GRXCR1: variants seen among roughly 807,000 people sequenced by gnomAD.
GRXCR1 encodes the protein glutaredoxin domain-containing cysteine-rich protein 1.
In GRXCR1, 27 loss-of-function variants were observed where a neutral mutation model predicts 27.3. The observed-to-expected ratio is 0.99, with a 90% CI of 0.73 to 1.37. The LOEUF (loss-of-function observed/expected upper bound fraction) is 1.37, where lower values mean the gene tolerates loss of function less well. Among genes scored for constraint, GRXCR1 ranks in the 40% most tolerant of loss-of-function variants. The pLI, the probability that GRXCR1 is intolerant of heterozygous loss-of-function variation, is 0.00. For missense variants in GRXCR1, 379 were observed against 354.4 expected (o/e 1.07, Z -0.56); for synonymous variants, 122 against 131.1 (o/e 0.93, Z 0.47).
intron 1 of GRXCR1, among the ~76,000 whole-genome samples, chr4:42,949,633 T>G (rs566502478): frequency 6.6e-6 from 1 of 152,298 alleles, no homozygotes; most frequent in South Asian, 2.1e-4. Flanking sequence ...CTTATAGAGT[T>G]AAAGGACTCG....
At chr4:42,957,292 G>A (rs1020135665) in intron 1 of GRXCR1, among the ~76,000 whole-genome samples, 8 of 152,000 alleles carry the variant, frequency 5.3e-5, no homozygotes, top group African/African-American at 1.9e-4. Context: ...CTATATTTAT[G>A]TGATATTTTG....
intron 2 of GRXCR1, among the ~76,000 whole-genome samples, chr4:42,973,875 AAC>A (rs1748444639): frequency 1.3e-5 from 2 of 152,190 alleles, no homozygotes; most frequent in African/African-American, 4.8e-5. Context: ...CAGTGGCTAG[AAC>A]ATGATGCACA....
At chr4:42,995,212 G>T (rs1454580066) in intron 2 of GRXCR1, among the ~76,000 whole-genome samples, 1 of 152,064 alleles carries the variant, frequency 6.6e-6, no homozygotes, top group Non-Finnish European at 1.5e-5. Flanking sequence ...ACTGTATAAA[G>T]ATTTTTGTTC....
chr4:43,017,923 G>C (rs1237959816), intron 2 of GRXCR1, among the ~76,000 whole-genome samples: 1 of 152,172 alleles, frequency 6.6e-6, no homozygotes, highest in South Asian at 2.1e-4. Flanking sequence ...TGCAAATGCA[G>C]GGAAAGCAGG....
intron 1 of GRXCR1, among the ~76,000 whole-genome samples, chr4:42,961,247 T>C (rs1175918284): frequency 2.0e-5 from 3 of 151,978 alleles, no homozygotes; most frequent in Non-Finnish European, 4.4e-5. Flanking sequence ...ATCCGGGCTA[T>C]CATTCACGGG....
intron 1 of GRXCR1, among the ~76,000 whole-genome samples, chr4:42,944,536 C>G (rs750642553): frequency 2.0e-5 from 3 of 151,954 alleles, no homozygotes; most frequent in Non-Finnish European, 2.9e-5. Context: ...TTTCTTTGAT[C>G]CTCATAAGGG....
chr4:42,983,273 T>A (rs1376669087), intron 2 of GRXCR1, among the ~76,000 whole-genome samples: 1 of 147,006 alleles, frequency 6.8e-6, no homozygotes, highest in Non-Finnish European at 1.5e-5. Flanking sequence ...TTTCTACATA[T>A]GGCTAGCCAG....
intron 1 of GRXCR1, among the ~76,000 whole-genome samples, chr4:42,932,609 TATATATATATAGAGAGAGAGAGAG>T (rs1422695073): frequency 2.0e-4 from 10 of 51,226 alleles, no homozygotes; most frequent in Non-Finnish European, 2.7e-4. Context: ...TATATATATA[TATATATATATAGAGAGAGAGAGAG>T]AGAGAGAGAG....
chr4:42,960,749 C>G (rs1173889722), intron 1 of GRXCR1, among the ~76,000 whole-genome samples: 2 of 151,696 alleles, frequency 1.3e-5, no homozygotes, highest in African/African-American at 4.8e-5. Context: ...AACACTGAGA[C>G]AATAGTTCAT....
Position 43,020,404 on chromosome 4 carries a change from C to A in GRXCR1, c.678C>A (p.Ile226=), listed in dbSNP as rs1317031237. 1.2e-6 allele frequency: 2 copies of A among 1,609,494 alleles called. No homozygotes were observed. The highest frequency in any genetic ancestry group is 2.7e-5 in the African/African-American group (2 of 74,804). ...SMNESGELQD[I]LTKIERVQHP... is the part of the protein sequence containing the mutation. ...ATGAATCAGGAGAACTGCAAGACAT[C>A]CTAACCAAAATTGAGGTAAATGTGC... Residue 226 remains isoleucine, a synonymous_variant, in exon 3 of 4, where the codon ATC becomes ATA. Transcript: ENST00000399770.
At chr4:42,982,678 TAA>T (rs1313419332) in intron 2 of GRXCR1, among the ~76,000 whole-genome samples, 2 of 138,246 alleles carry the variant, frequency 1.4e-5, no homozygotes, top group South Asian at 2.7e-4. Context: ...ACCAACAGTG[TAA>T]AAGTGTTCCT....
Position 42,893,560 on chromosome 4 carries a change from C to A in GRXCR1, c.294C>A (p.Asn98Lys). 1.9e-6 allele frequency: 3 copies of A among 1,613,834 alleles called. No homozygotes were observed. The highest frequency in any genetic ancestry group is 2.5e-6 in the Non-Finnish European group (3 of 1,179,828). The change falls in exon 1 of 4, where the codon AAC (asparagine) becomes AAA (lysine). Residue 98 changes from asparagine (N) to lysine (K), a missense_variant. Physicochemically the swap from Asn to Lys is moderately conservative, Grantham distance 94. Coordinates refer to ENST00000399770, the MANE Select transcript of GRXCR1 (RefSeq NM_001080476.3). ...AGGGTTTTGGTACAAGAAGAGTCAA[C>A]ATTTTAAGCAAAAATGGCACAGTCA... ...SEKGFGTRRV[N>K]ILSKNGTVRG...
intron 1 of GRXCR1, among the ~76,000 whole-genome samples, chr4:42,897,074 T>C (rs562421708): frequency 6.6e-6 from 1 of 152,178 alleles, no homozygotes; most frequent in South Asian, 2.1e-4. Flanking sequence ...TTTAAAAATA[T>C]ATTTACTTTC....
intron 2 of GRXCR1, among the ~76,000 whole-genome samples, chr4:42,984,776 C>T (rs558981281): frequency 1.3e-5 from 2 of 152,260 alleles, no homozygotes; most frequent in South Asian, 4.1e-4. Context: ...GAGAGTTGTC[C>T]AGAATCTGGG....
chr4:42,963,139 G>C lies in GRXCR1; in HGVS notation c.627+5G>C, dbSNP rs1216425122. The C allele has an allele frequency of 3.7e-6, 6 of 1,612,418 alleles. No individual in the cohort carries two copies. The highest frequency in any genetic ancestry group is 5.1e-6 in the Non-Finnish European group (6 of 1,178,852). On this transcript the variant is annotated splice_donor_5th_base_variant and intron_variant, in intron 2 of 3. Coordinates refer to ENST00000399770, the MANE Select transcript of GRXCR1 (RefSeq NM_001080476.3). ...ATTGATGGCCATTACCTTGGGGTAA[G>C]TAAGCTGCCCAGGAAAGTCTTTTTC...
intron 2 of GRXCR1, among the ~76,000 whole-genome samples, chr4:42,997,566 AC>A (rs1175623886): frequency 2.0e-5 from 3 of 152,192 alleles, no homozygotes; most frequent in Admixed American, 6.5e-5. Context: ...TTGCTCAAGA[AC>A]GAGTCTTGAT....
At chr4:42,952,347 A>G (rs1313251847) in intron 1 of GRXCR1, among the ~76,000 whole-genome samples, 1 of 152,142 alleles carries the variant, frequency 6.6e-6, no homozygotes, top group Non-Finnish European at 1.5e-5. Context: ...GGCAGCTGAG[A>G]GCCGTTAGCA....
chr4:42,906,595 T>C (rs1746597848), intron 1 of GRXCR1, among the ~76,000 whole-genome samples: 1 of 152,128 alleles, frequency 6.6e-6, no homozygotes, highest in Admixed American at 6.6e-5. Context: ...GCAGACCCAC[T>C]CTCAGCAAGC....
chr4:42,927,369 A>G (rs1351185651), intron 1 of GRXCR1, among the ~76,000 whole-genome samples: 12 of 152,028 alleles, frequency 7.9e-5, no homozygotes, highest in Non-Finnish European at 1.6e-4. Context: ...AGGAGAGAGC[A>G]TGCTTACGCC....
Sources: allele counts gnomAD v4.1 joint callset (sites outside exome capture counted in the v4.1 genomes callset), GRCh38; gene constraint gnomAD v4.1.1; transcripts MANE v1.5; gene names NCBI Gene and HGNC (gene_info 2026-07-23, HGNC 2026-07-21).